Variants in CMTM6 observed in about 807,000 individuals in gnomAD.
CMTM6 encodes the protein CKLF-like MARVEL transmembrane domain-containing protein 6.
In CMTM6, 5 loss-of-function variants were observed where a neutral mutation model predicts 13.6. That is an observed-to-expected ratio of 0.37 (90% CI 0.19 to 0.77). The LOEUF is 0.77. Among genes scored for constraint, CMTM6 ranks in the 30% least tolerant of loss-of-function variants. The pLI is 0.50. For synonymous variants in CMTM6, 99 were observed against 84.5 expected, an observed-to-expected ratio of 1.17 and a Z score of -0.94; for missense variants, 196 against 218.6, an observed-to-expected ratio of 0.90 and a Z score of 0.65.
intron 1 of CMTM6, among the ~76,000 whole-genome samples, chr3:32,492,343 C>A (rs777254143): frequency 4.6e-5 from 7 of 152,136 alleles, no homozygotes; most frequent in Non-Finnish European, 1.0e-4. Context: ...CACACCCCGA[C>A]CTCCAACTTA....
At chr3:32,490,476 T>A (rs1697241700) in intron 2 of CMTM6, among the ~76,000 whole-genome samples, 1 of 152,164 alleles carries the variant, frequency 6.6e-6, no homozygotes, top group African/African-American at 2.4e-5. Flanking sequence ...ATTTTAAAAC[T>A]ATGAATGGAA....
chr3:32,485,251 C>T (rs1345423957), intron 3 of CMTM6, among the ~76,000 whole-genome samples: 1 of 151,690 alleles, frequency 6.6e-6, no homozygotes, highest in Non-Finnish European at 1.5e-5. Flanking sequence ...AGAACTTCCT[C>T]ATGCATTTAA....
chr3:32,492,105 T>C (rs1697254502), intron 1 of CMTM6, among the ~76,000 whole-genome samples: 1 of 152,184 alleles, frequency 6.6e-6, no homozygotes, highest in African/African-American at 2.4e-5. Context: ...CGTGTACTAA[T>C]GCCAGCAAAG....
intron 2 of CMTM6, among the ~76,000 whole-genome samples, chr3:32,490,102 T>G (rs1046882977): frequency 6.6e-6 from 1 of 152,136 alleles, no homozygotes; most frequent in African/African-American, 2.4e-5. Context: ...AAAAATTTGC[T>G]GGGTGTGGTG....
At chr3:32,489,904 G>A (rs1347612822) in intron 2 of CMTM6, among the ~76,000 whole-genome samples, 2 of 152,158 alleles carry the variant, frequency 1.3e-5, no homozygotes, top group Non-Finnish European at 2.9e-5. Context: ...ACTAATAAAT[G>A]TAAACGTCCC....
intron 3 of CMTM6, among the ~76,000 whole-genome samples, chr3:32,486,016 T>C (rs891454879): frequency 6.6e-6 from 1 of 152,196 alleles, no homozygotes; most frequent in Non-Finnish European, 1.5e-5. Flanking sequence ...TAGCTGGGAC[T>C]ACAGGCGCCT....
rs1047870900 is a variant in CMTM6, at chr3:32,489,696, G to A, written c.316-1660C>T. ...AAGAGGTTTTCTCTGCTTCTAAAAG[G>A]TGTTTCCCTGTAGTACTTTATTTTT... is the stretch of plus-strand genomic sequence containing the variant. On this transcript the variant is annotated intron_variant, in intron 2 of 3. Coordinates refer to ENST00000205636, the MANE Select transcript of CMTM6 (RefSeq NM_017801.3). Among the ~76,000 whole-genome samples, 11 of 151,470 alleles carry A rather than the reference G, an allele frequency of 7.3e-5. No homozygotes were observed. The East Asian group carries it at 2.1e-3, about 29-fold the overall frequency.
At chr3:32,496,844 G>T (rs1401844350) in intron 1 of CMTM6, among the ~76,000 whole-genome samples, 1 of 152,150 alleles carries the variant, frequency 6.6e-6, no homozygotes, top group African/African-American at 2.4e-5. Context: ...TAAGGCAACT[G>T]ACCTAACTGG....
chr3:32,501,770 G>C (rs1697347436), intron 1 of CMTM6, among the ~76,000 whole-genome samples: 1 of 152,094 alleles, frequency 6.6e-6, no homozygotes, highest in Non-Finnish European at 1.5e-5. Flanking sequence ...TTCCTAAACT[G>C]GTTCTATTGC....
Position 32,502,823 on chromosome 3 carries a change from G to A in CMTM6, c.-78C>T, listed in dbSNP as rs1032097688. The A allele has an allele frequency of 6.2e-5, 84 of 1,352,382 alleles. No homozygotes were observed. The Admixed American group carries it at 1.2e-3, about 19-fold the overall frequency. The allele number at this position is 1,352,382 out of a possible 1,614,324, so 83.8% of individuals were successfully genotyped here. Reference sequence around the variant, plus strand: ...GGACTCCAGAAGTCCCCGGTAGCCGGGAGGCGGCCGTCACTTCCTGGGCCT... The same window carrying A: ...GGACTCCAGAAGTCCCCGGTAGCCGAGAGGCGGCCGTCACTTCCTGGGCCT... On this transcript the variant is annotated 5_prime_UTR_variant, in exon 1 of 4. Transcript: ENST00000205636.
intron 3 of CMTM6, among the ~76,000 whole-genome samples, chr3:32,485,059 C>A (rs1697191272): frequency 7.0e-6 from 1 of 142,196 alleles, no homozygotes; most frequent in South Asian, 2.6e-4. Flanking sequence ...AAAGCCAAGT[C>A]TTTTTCCCTC....
chr3:32,484,207 C>A, intron 3 of CMTM6, 110 bp from the exon 4 acceptor site: 1 of 1,015,590 alleles, frequency 9.8e-7, no homozygotes, highest in Non-Finnish European at 1.4e-6. Context: ...TGAATTTTAT[C>A]TTATACACGA....
In CMTM6 at chr3:32,482,219, C is replaced by T. The variant is rs987115012; in HGVS notation, c.*1741G>A. On this transcript the variant is annotated 3_prime_UTR_variant, in exon 4 of 4. Transcript: ENST00000205636. ...AGTAGTGGTGACACCACCACTAACACTAGTATCCAAACTCTGATACAAATC... is the reference window on the plus strand; with the variant it reads ...AGTAGTGGTGACACCACCACTAACATTAGTATCCAAACTCTGATACAAATC... The T allele has an allele frequency of 6.6e-6, 1 of 152,196 alleles. No individual in the cohort carries two copies. Among genetic ancestry groups the T allele is most frequent in the African/African-American group, 2.4e-5 (1 of 41,432 alleles). 9.4% of individuals were successfully genotyped at this position (152,196 alleles called of 1,614,324 possible). A position where few individuals can be genotyped will look rare whatever the true frequency, so the allele number is the denominator to read the frequency against.
chr3:32,494,038 A>C (rs1364311939), intron 1 of CMTM6, among the ~76,000 whole-genome samples: 4 of 152,208 alleles, frequency 2.6e-5, no homozygotes, highest in Non-Finnish European at 5.9e-5. Flanking sequence ...AGGGAATTTC[A>C]ACATGGGAGA....
intron 2 of CMTM6, among the ~76,000 whole-genome samples, chr3:32,489,742 AATTT>A (rs1206651395): frequency 1.3e-5 from 2 of 152,130 alleles, no homozygotes; most frequent in Non-Finnish European, 2.9e-5. Context: ...GATTATTTCA[AATTT>A]ATTACATATA....
rs922803001 is a variant in CMTM6 at position 32,502,488 on chromosome 3, G to A, written c.138+120C>T. ...CCAGGCTGAGAGGGAAGGAACTAGA[G>A]GTGTGGAAACCTCCTTTTACTGAAC... On this transcript the variant is annotated intron_variant, in intron 1 of 3. Coordinates refer to ENST00000205636, the MANE Select transcript of CMTM6 (RefSeq NM_017801.3). 1.1e-5 allele frequency: 14 copies of A among 1,272,398 alleles called. No individual in the cohort carries two copies. In the African/African-American group the frequency reaches 1.9e-4, roughly 17 times the overall value. 78.8% of individuals were successfully genotyped at this position (1,272,398 alleles called of 1,614,324 possible).
intron 1 of CMTM6, among the ~76,000 whole-genome samples, chr3:32,494,370 C>T (rs751238729): frequency 5.9e-5 from 9 of 152,314 alleles, no homozygotes; most frequent in South Asian, 2.1e-4. Flanking sequence ...AACAAGATTG[C>T]TACCAAAATC....
chr3:32,484,324 T>C (rs1697183339), intron 3 of CMTM6, among the ~76,000 whole-genome samples: 1 of 152,176 alleles, frequency 6.6e-6, no homozygotes, highest in African/African-American at 2.4e-5. Context: ...TCTCACAAAA[T>C]ATTAATGTTC....
chr3:32,487,650 G>A (rs1423733463), intron 3 of CMTM6: 1 of 225,538 alleles, frequency 4.4e-6, no homozygotes, highest in Admixed American at 5.4e-5. Flanking sequence ...AACTGAAAGT[G>A]GAGAAATATA....
Sources: gnomAD v4.1 joint callset for allele counts (sites outside exome capture counted in the v4.1 genomes callset) on GRCh38, gnomAD v4.1.1 for gene constraint, MANE v1.5 for transcripts, NCBI Gene and HGNC (gene_info 2026-07-23, HGNC 2026-07-21) for gene names.